Variants in TAFA1 observed in about 807,000 individuals in gnomAD.
The protein encoded by TAFA1 is TAFA chemokine like family member 1.
TAFA1 carries 4 observed loss-of-function variants against 18.5 expected under a neutral mutation model. The observed-to-expected ratio is 0.22, with a 90% CI of 0.11 to 0.49. The LOEUF (loss-of-function observed/expected upper bound fraction) is 0.49, where lower values mean the gene tolerates loss of function less well. TAFA1 is among the 20% of genes least tolerant of loss of function. The probability of loss-of-function intolerance (pLI) is 0.98; values close to 1 mark genes in which losing one functional copy is unlikely to be tolerated. For synonymous variants in TAFA1, 56 were observed against 55.2 expected, an observed-to-expected ratio of 1.01 and a Z score of -0.06; for missense variants, 147 against 169.0, an observed-to-expected ratio of 0.87 and a Z score of 0.72.
chr3:68,430,757 C>T (rs1185400925), intron 3 of TAFA1, among the ~76,000 whole-genome samples: 3 of 151,978 alleles, frequency 2.0e-5, no homozygotes, highest in Non-Finnish European at 4.4e-5. Flanking sequence ...CTGAATGTCT[C>T]ATTCACTCTC....
At chr3:68,270,163 C>A (rs756390029) in intron 2 of TAFA1, among the ~76,000 whole-genome samples, 46 of 152,142 alleles carry the variant, frequency 3.0e-4, no homozygotes, top group Non-Finnish European at 5.6e-4. Flanking sequence ...ACTATCTATA[C>A]AAGTTCCGGC....
chr3:68,043,464 CTTAA>C (rs928685062), intron 2 of TAFA1, among the ~76,000 whole-genome samples: 1 of 152,114 alleles, frequency 6.6e-6, no homozygotes, highest in African/African-American at 2.4e-5. Flanking sequence ...GATTAACTTG[CTTAA>C]TTAATTTCCT....
intron 3 of TAFA1, among the ~76,000 whole-genome samples, chr3:68,493,516 G>A (rs1222582190): frequency 1.3e-5 from 2 of 152,144 alleles, no homozygotes; most frequent in African/African-American, 4.8e-5. Flanking sequence ...AATTGAAATT[G>A]CTGGATCATA....
At chr3:68,097,830 G>A (rs559890816) in intron 2 of TAFA1, among the ~76,000 whole-genome samples, 1 of 152,116 alleles carries the variant, frequency 6.6e-6, no homozygotes, top group African/African-American at 2.4e-5. Flanking sequence ...ATTTCCTGCA[G>A]GGAAGGGAAT....
chr3:68,021,185 C>CAA (rs10610707), intron 2 of TAFA1, among the ~76,000 whole-genome samples: 21,071 of 55,846 alleles, frequency 0.38, 7,878 homozygotes, highest in South Asian at 0.52. Context: ...GACCCTGTCT[C>CAA]AAAAAAAAAA....
chr3:68,137,970 T>C (rs1299786112), intron 2 of TAFA1, among the ~76,000 whole-genome samples: 1 of 121,414 alleles, frequency 8.2e-6, no homozygotes, highest in African/African-American at 3.0e-5. Context: ...ATGACTAATC[T>C]TCGCTACTAT....
intron 2 of TAFA1, among the ~76,000 whole-genome samples, chr3:68,370,470 GTGTATATATATA>G (rs1429009857): frequency 1.1e-3 from 33 of 31,148 alleles, no homozygotes; most frequent in East Asian, 2.9e-3. Flanking sequence ...GTGTGTGTGT[GTGTATATATATA>G]TATATATATA....
intron 3 of TAFA1, among the ~76,000 whole-genome samples, chr3:68,429,229 A>G (rs543936145): frequency 1.2e-4 from 18 of 152,012 alleles, no homozygotes; most frequent in African/African-American, 4.1e-4. Flanking sequence ...TCTCAACTAA[A>G]TGGAACACTA....
chr3:68,261,101 G>C (rs189883992), intron 2 of TAFA1, among the ~76,000 whole-genome samples: 7 of 151,714 alleles, frequency 4.6e-5, no homozygotes, highest in African/African-American at 1.7e-4. Flanking sequence ...AAAAGTGGGC[G>C]AAGGATATGA....
At chr3:68,386,964 A>C (rs1475123207) in intron 2 of TAFA1, among the ~76,000 whole-genome samples, 1 of 152,126 alleles carries the variant, frequency 6.6e-6, no homozygotes, top group Non-Finnish European at 1.5e-5. Context: ...TTGATATGGA[A>C]ATACATATAC....
At chr3:68,447,716 G>T (rs538235535) in intron 3 of TAFA1, among the ~76,000 whole-genome samples, 7 of 152,308 alleles carry the variant, frequency 4.6e-5, no homozygotes, top group Non-Finnish European at 7.4e-5. Context: ...GCCAAGGCTG[G>T]CAAATAATTT....
intron 2 of TAFA1, among the ~76,000 whole-genome samples, chr3:68,308,135 C>T (rs2068453008): frequency 6.6e-6 from 1 of 152,010 alleles, no homozygotes; most frequent in Non-Finnish European, 1.5e-5. Flanking sequence ...TGCTAAAAAC[C>T]TATGATTTAT....
At chr3:68,002,665 G>C (rs1026003592), upstream of TAFA1, among the ~76,000 whole-genome samples, 2 of 152,076 alleles carry the variant, frequency 1.3e-5, no homozygotes, top group African/African-American at 2.4e-5. Flanking sequence ...AAATATAATA[G>C]TTATTTTTTT....
chr3:68,277,457 T>A (rs2067817724), intron 2 of TAFA1, among the ~76,000 whole-genome samples: 1 of 152,086 alleles, frequency 6.6e-6, no homozygotes. Flanking sequence ...TCTTAAGGTA[T>A]TTCTCCAGGT....
At chr3:68,154,158 G>T (rs539871210) in intron 2 of TAFA1, among the ~76,000 whole-genome samples, 79 of 152,172 alleles carry the variant, frequency 5.2e-4, no homozygotes, top group Non-Finnish European at 1.0e-3. Flanking sequence ...ATCTCTTTTT[G>T]CCAGTATTTT....
chr3:68,041,684 C>T (rs1020993404), intron 2 of TAFA1, among the ~76,000 whole-genome samples: 2 of 152,192 alleles, frequency 1.3e-5, no homozygotes, highest in African/African-American at 2.4e-5. Context: ...CCAGAGCTTT[C>T]GGTCTAGAAT....
At chr3:68,482,285 G>A (rs2072252737) in intron 3 of TAFA1, among the ~76,000 whole-genome samples, 1 of 152,200 alleles carries the variant, frequency 6.6e-6, no homozygotes, top group South Asian at 2.1e-4. Flanking sequence ...GGGATTGCAG[G>A]TGTGAAATTC....
intron 2 of TAFA1, among the ~76,000 whole-genome samples, chr3:68,040,979 A>G (rs1705152238): frequency 6.6e-6 from 1 of 152,192 alleles, no homozygotes; most frequent in Admixed American, 6.5e-5. Flanking sequence ...ACATTCATGG[A>G]TTATGCAACT....
chr3:68,261,241 C>T (rs1322541838), intron 2 of TAFA1, among the ~76,000 whole-genome samples: 1 of 152,088 alleles, frequency 6.6e-6, no homozygotes, highest in Non-Finnish European at 1.5e-5. Flanking sequence ...GTTAGAATGG[C>T]AATCATTAAA....
Sources: gnomAD v4.1 joint callset for allele counts (sites outside exome capture counted in the v4.1 genomes callset) on GRCh38, gnomAD v4.1.1 for gene constraint, MANE v1.5 for transcripts, NCBI Gene and HGNC (gene_info 2026-07-23, HGNC 2026-07-21) for gene names.